NPAS3: variants seen among roughly 807,000 people sequenced by gnomAD.
NPAS3 encodes neuronal PAS domain protein 3, also known as neuronal PAS domain-containing protein 3.
NPAS3 carries 14 observed loss-of-function variants against 73.1 expected under a neutral mutation model. That is an observed-to-expected ratio of 0.19 (90% CI 0.13 to 0.30). The LOEUF (loss-of-function observed/expected upper bound fraction) is 0.30, where lower values mean the gene tolerates loss of function less well. Ranked by LOEUF, NPAS3 falls within the 10% of genes least tolerant of loss-of-function variation. The pLI is 1.00. For synonymous variants in NPAS3, 620 were observed against 541.5 expected, an observed-to-expected ratio of 1.14 and a Z score of -2.01; for missense variants, 1,096 against 1,250.0, an observed-to-expected ratio of 0.88 and a Z score of 1.86.
chr14:33,186,187 A>G (rs1223583743), intron 2 of NPAS3, among the ~76,000 whole-genome samples: 1 of 152,218 alleles, frequency 6.6e-6, no homozygotes. Context: ...ATTGAGGTGA[A>G]CCATGCATAC....
intron 9 of NPAS3, among the ~76,000 whole-genome samples, chr14:33,780,350 T>C (rs753922544): frequency 2.6e-5 from 4 of 152,192 alleles, no homozygotes; most frequent in Non-Finnish European, 5.9e-5. Flanking sequence ...GCTCAGAGTT[T>C]AGAGAAAATG....
At chr14:33,798,998 A>C (rs1158567713) in intron 11 of NPAS3, among the ~76,000 whole-genome samples, 1 of 149,202 alleles carries the variant, frequency 6.7e-6, no homozygotes, top group Non-Finnish European at 1.5e-5. Flanking sequence ...AAAAAAAATC[A>C]GCCACGTGTG....
At chr14:33,760,755 A>G (rs2062259386) in intron 7 of NPAS3, among the ~76,000 whole-genome samples, 1 of 152,182 alleles carries the variant, frequency 6.6e-6, no homozygotes, top group South Asian at 2.1e-4. Flanking sequence ...AAACAGTTTC[A>G]TACTTACTTG....
chr14:33,314,415 G>C (rs1170779467), intron 3 of NPAS3, among the ~76,000 whole-genome samples: 1 of 152,016 alleles, frequency 6.6e-6, no homozygotes, highest in African/African-American at 2.4e-5. Context: ...TTGACCTTCA[G>C]TTGGCTCCAC....
exon 6 of NPAS3, chr14:33,676,221 C>T (rs1426987865): frequency 6.2e-7 from 1 of 1,613,678 alleles, no homozygotes; most frequent in African/African-American, 1.3e-5. Context: ...GTGGAGCTGA[C>T]AGGCAGCAGT....
chr14:33,424,742 T>G (rs2048488212), intron 4 of NPAS3, among the ~76,000 whole-genome samples: 3 of 144,148 alleles, frequency 2.1e-5, no homozygotes, highest in African/African-American at 5.2e-5. Flanking sequence ...TAGAAGGGGG[T>G]GGGAATAGTG....
chr14:33,801,379 T>C (rs1228262796), downstream of NPAS3: 1 of 524,532 alleles, frequency 1.9e-6, no homozygotes, highest in African/African-American at 1.9e-5. Flanking sequence ...TGCTTTCCTT[T>C]GCATCTTTAT....
chr14:33,428,750 T>C (rs2048658163), intron 4 of NPAS3, among the ~76,000 whole-genome samples: 1 of 152,140 alleles, frequency 6.6e-6, no homozygotes, highest in African/African-American at 2.4e-5. Flanking sequence ...AAAAATGACC[T>C]TTCTTCAAAT....
At chr14:33,649,915 G>A (rs956483732) in intron 5 of NPAS3, among the ~76,000 whole-genome samples, 5 of 152,198 alleles carry the variant, frequency 3.3e-5, no homozygotes, top group Non-Finnish European at 7.3e-5. Context: ...GAAGGGCCAG[G>A]GAAGAGGTCT....
At chr14:33,084,303 A>G (rs949308551) in intron 2 of NPAS3, among the ~76,000 whole-genome samples, 3 of 152,168 alleles carry the variant, frequency 2.0e-5, no homozygotes, top group Non-Finnish European at 4.4e-5. Context: ...TGTCCACTAT[A>G]TATGCTTGGG....
At chr14:33,679,412 C>T (rs1327444329) in intron 6 of NPAS3, among the ~76,000 whole-genome samples, 1 of 152,194 alleles carries the variant, frequency 6.6e-6, no homozygotes, top group Non-Finnish European at 1.5e-5. Context: ...TCAGGCACTA[C>T]ATCACAAAGC....
chr14:33,700,177 G>A (rs1336577451), intron 6 of NPAS3, among the ~76,000 whole-genome samples: 3 of 152,140 alleles, frequency 2.0e-5, no homozygotes, highest in Non-Finnish European at 4.4e-5. Context: ...TCTGACTGGA[G>A]TCACCTCTCT....
intron 3 of NPAS3, among the ~76,000 whole-genome samples, chr14:33,283,596 A>G (rs908942772): frequency 2.0e-5 from 3 of 152,192 alleles, no homozygotes; most frequent in African/African-American, 7.2e-5. Flanking sequence ...CCTTGTCACT[A>G]TCTATTCTTG....
chr14:33,041,192 G>A (rs2040336805), intron 1 of NPAS3, among the ~76,000 whole-genome samples: 1 of 152,060 alleles, frequency 6.6e-6, no homozygotes, highest in Admixed American at 6.6e-5. Flanking sequence ...ACATATTAAT[G>A]GCCTCTAGTG....
intron 4 of NPAS3, among the ~76,000 whole-genome samples, chr14:33,377,470 G>A (rs1402076762): frequency 1.3e-5 from 2 of 152,242 alleles, no homozygotes; most frequent in African/African-American, 4.8e-5. Flanking sequence ...ATGCACATAT[G>A]CTTCTCCTTG....
chr14:33,758,406 C>T (rs924170656), intron 7 of NPAS3, among the ~76,000 whole-genome samples: 4 of 152,322 alleles, frequency 2.6e-5, no homozygotes, highest in East Asian at 1.9e-4. Context: ...TACTTCTGCA[C>T]GGGGCATCCC....
intron 1 of NPAS3, among the ~76,000 whole-genome samples, chr14:32,951,127 T>C (rs979360178): frequency 1.3e-5 from 2 of 152,104 alleles, no homozygotes; most frequent in African/African-American, 4.8e-5. Flanking sequence ...TCTTCCATTA[T>C]CTTTGTAGGA....
At chr14:33,199,000 G>C (rs1268551595) in intron 2 of NPAS3, among the ~76,000 whole-genome samples, 1 of 152,174 alleles carries the variant, frequency 6.6e-6, no homozygotes, top group African/African-American at 2.4e-5. Context: ...CACACTGTCC[G>C]TGGCCGGCGG....
At chr14:33,639,792 TAA>T (rs1189846668) in intron 5 of NPAS3, among the ~76,000 whole-genome samples, 1 of 152,202 alleles carries the variant, frequency 6.6e-6, no homozygotes, top group African/African-American at 2.4e-5. Flanking sequence ...AAGAGAAAAG[TAA>T]AAGTGTTATC....
Sources: allele counts gnomAD v4.1 joint callset (sites outside exome capture counted in the v4.1 genomes callset), GRCh38; gene constraint gnomAD v4.1.1; transcripts MANE v1.5; gene names NCBI Gene and HGNC (gene_info 2026-07-23, HGNC 2026-07-21).